LIMA1: variants seen among roughly 807,000 people sequenced by gnomAD.
LIMA1 encodes the protein LIM domain and actin binding 1, also known as LIM domain and actin-binding protein 1.
LIMA1 carries 52 observed loss-of-function variants against 62.6 expected under a neutral mutation model. The ratio of observed to expected loss-of-function variants is 0.83; its 90% CI spans 0.67 to 1.05. The LOEUF (loss-of-function observed/expected upper bound fraction) is 1.05, where lower values mean the gene tolerates loss of function less well. Among genes scored for constraint, LIMA1 ranks in the 50% least tolerant of loss-of-function variants. LIMA1 has a pLI of 0.00. For synonymous variants in LIMA1, 302 were observed against 317.8 expected, an observed-to-expected ratio of 0.95 and a Z score of 0.53; for missense variants, 780 against 902.2, an observed-to-expected ratio of 0.86 and a Z score of 1.74.
At chr12:50,182,545 A>T (rs1285170177) in intron 9 of LIMA1, among the ~76,000 whole-genome samples, 1 of 152,224 alleles carries the variant, frequency 6.6e-6, no homozygotes, top group African/African-American at 2.4e-5. Context: ...TCTGCTTATA[A>T]TCTTGATTTG....
chr12:50,261,978 T>C (rs923104402), intron 1 of LIMA1, among the ~76,000 whole-genome samples: 13 of 152,330 alleles, frequency 8.5e-5, no homozygotes, highest in Admixed American at 8.5e-4. Context: ...TAGAGACTAG[T>C]GTTTCTGGGG....
At chr12:50,205,735 C>T (rs898463857) in intron 5 of LIMA1, among the ~76,000 whole-genome samples, 4 of 146,444 alleles carry the variant, frequency 2.7e-5, no homozygotes, top group Admixed American at 7.1e-5. Flanking sequence ...AAAAAGCAGC[C>T]GGGCATGACG....
chr12:50,210,959 A>G (rs1419046782), intron 4 of LIMA1, among the ~76,000 whole-genome samples: 1 of 152,218 alleles, frequency 6.6e-6, no homozygotes, highest in Admixed American at 6.6e-5. Context: ...TTTTCATGAT[A>G]TCGCAGGTTC....
At chr12:50,241,446 G>A (rs1387601757) in intron 2 of LIMA1, among the ~76,000 whole-genome samples, 2 of 151,960 alleles carry the variant, frequency 1.3e-5, no homozygotes, top group African/African-American at 4.8e-5. Flanking sequence ...TAAGCTCAGA[G>A]GTTCCCTTCC....
chr12:50,257,883 C>A (rs893038492), intron 1 of LIMA1, among the ~76,000 whole-genome samples: 1 of 152,206 alleles, frequency 6.6e-6, no homozygotes, highest in African/African-American at 2.4e-5. Context: ...CATGAGCCAC[C>A]ACGTCCAGCC....
chr12:50,218,919 A>G (rs1230063257), intron 4 of LIMA1, among the ~76,000 whole-genome samples: 1 of 151,804 alleles, frequency 6.6e-6, no homozygotes, highest in African/African-American at 2.4e-5. Context: ...ACAAAAACAA[A>G]AAAAAAACGC....
At chr12:50,252,451 C>A (rs774982948) in intron 1 of LIMA1, among the ~76,000 whole-genome samples, 15 of 151,884 alleles carry the variant, frequency 9.9e-5, no homozygotes, top group African/African-American at 3.6e-4. Flanking sequence ...CGTGGTGGCA[C>A]GCGCCTGTAA....
Position 50,231,646 on chromosome 12 carries a change from G to A in LIMA1, c.165+19C>T. On this transcript the variant is annotated intron_variant, in intron 3 of 10. Coordinates refer to ENST00000341247, the MANE Select transcript of LIMA1 (RefSeq NM_016357.5). ...CTGCTCAAGAAGTGCCACATGCCCT[G>A]GAATTTCTGAATACTTACACTTCTC... The A allele has an allele frequency of 6.2e-7, 1 of 1,612,854 alleles. No homozygotes were observed. Among genetic ancestry groups the A allele is most frequent in the East Asian group, 2.2e-5 (1 of 44,872 alleles).
chr12:50,204,983 C>T (rs1043415809), intron 5 of LIMA1, among the ~76,000 whole-genome samples: 4 of 151,944 alleles, frequency 2.6e-5, no homozygotes, highest in Non-Finnish European at 4.4e-5. Flanking sequence ...GTTAAAAGCA[C>T]GAAGAAGAAA....
rs71083524 is a variant in LIMA1, at chr12:50,261,042, A to ATTTTTTTTTTTTTTTTTT, written c.-23-12286_-23-12269dup. 2.8e-4 allele frequency among the ~76,000 whole-genome samples: 15 copies of ATTTTTTTTTTTTTTTTTT among 54,296 alleles called. 3 individuals carry two copies. The East Asian group carries it at 3.4e-3, about 12-fold the overall frequency. 35.6% of individuals were successfully genotyped at this position (54,296 alleles called of 152,430 possible). A position where few individuals can be genotyped will look rare whatever the true frequency, so the allele number is the denominator to read the frequency against. The stretch of plus-strand genomic sequence containing the variant: ...CTTTTGCTTTTCTGCCATCTAGTAT[A>ATTTTTTTTTTTTTTTTTT]TTTTTTTTTTTTTTTTTTTTTTTTT... On this transcript the variant is annotated intron_variant, in intron 1 of 10. Transcript: ENST00000341247.
At position 50,231,720 on chromosome 12, in the gene LIMA1, AG is replaced by A; in HGVS notation, c.120-11del. ...AGCTGCTTTCTGGTACCTTCAGAGAAGGGAAGGAAAGAATGTCTCAAATTAA... is the reference window on the plus strand; with the variant it reads ...AGCTGCTTTCTGGTACCTTCAGAGAAGGAAGGAAAGAATGTCTCAAATTAA... On this transcript the variant is annotated splice_polypyrimidine_tract_variant and intron_variant, in intron 2 of 10. Transcript: ENST00000341247. 1 of 1,610,672 alleles carries A rather than the reference AG, an allele frequency of 6.2e-7. No homozygotes were observed. The highest frequency in any genetic ancestry group is 8.5e-7 in the Non-Finnish European group (1 of 1,176,896).
intron 2 of LIMA1, among the ~76,000 whole-genome samples, chr12:50,233,742 G>A (rs1941647294): frequency 6.6e-6 from 1 of 152,106 alleles, no homozygotes; most frequent in Non-Finnish European, 1.5e-5. Flanking sequence ...CCAGGCTGGT[G>A]TTGAACTCTT....
chr12:50,230,044 ATTT>A (rs34251220), intron 3 of LIMA1: 20 of 151,924 alleles, frequency 1.3e-4, no homozygotes, highest in African/African-American at 4.6e-4. Context: ...AAATTTTTTT[ATTT>A]TTTTTGAGAC....
intron 3 of LIMA1, among the ~76,000 whole-genome samples, chr12:50,226,909 CT>C (rs57111000): frequency 0.47 from 62,896 of 134,064 alleles, 15,709 homozygotes; most frequent in African/African-American, 0.68. Context: ...AATTCTTTTT[CT>C]TTTTTTTTTT....
At chr12:50,196,019 C>A in intron 7 of LIMA1, 132 bp from the exon 8 acceptor site, 1 of 856,264 alleles carries the variant, frequency 1.2e-6, no homozygotes, top group South Asian at 2.0e-5. Flanking sequence ...GGGGAAATAA[C>A]GGGCACCAGA....
intron 1 of LIMA1, among the ~76,000 whole-genome samples, chr12:50,253,247 A>C (rs1269816472): frequency 1.3e-5 from 2 of 152,250 alleles, no homozygotes; most frequent in South Asian, 2.1e-4. Flanking sequence ...CTACAAATTC[A>C]AAGCTAAAGT....
At chr12:50,230,635 T>A (rs1164223522) in intron 3 of LIMA1, among the ~76,000 whole-genome samples, 1 of 152,028 alleles carries the variant, frequency 6.6e-6, no homozygotes, top group Non-Finnish European at 1.5e-5. Context: ...GGAGTGCAGT[T>A]GCGTGATCTC....
chr12:50,258,039 GT>G (rs993502072), intron 1 of LIMA1, among the ~76,000 whole-genome samples: 15 of 152,094 alleles, frequency 9.9e-5, no homozygotes, highest in African/African-American at 3.6e-4. Context: ...AACTTGCCCT[GT>G]TTTTTGTTTG....
At chr12:50,232,193 G>C (rs1056213388) in intron 2 of LIMA1, among the ~76,000 whole-genome samples, 1 of 151,216 alleles carries the variant, frequency 6.6e-6, no homozygotes, top group Non-Finnish European at 1.5e-5. Context: ...CTGAGTGGCT[G>C]GGACTATGTA....
Sources: gnomAD v4.1 joint callset for allele counts (sites outside exome capture counted in the v4.1 genomes callset) on GRCh38, gnomAD v4.1.1 for gene constraint, MANE v1.5 for transcripts, NCBI Gene and HGNC (gene_info 2026-07-23, HGNC 2026-07-21) for gene names.